The following ARHGEF18 variants were observed in gnomAD, a reference collection of about 807,000 sequenced individuals.
ARHGEF18 encodes rho guanine nucleotide exchange factor 18.
ARHGEF18 carries 93 observed loss-of-function variants against 155.7 expected under a neutral mutation model. The observed-to-expected ratio is 0.60, with a 90% confidence interval of 0.50 to 0.71. The LOEUF is 0.71. Among genes scored for constraint, ARHGEF18 ranks in the 30% least tolerant of loss-of-function variants. The probability of loss-of-function intolerance (pLI) is 0.00; values close to 1 mark genes in which losing one functional copy is unlikely to be tolerated. For synonymous variants in ARHGEF18, 742 were observed against 753.1 expected, an observed-to-expected ratio of 0.99 and a Z score of 0.24; for missense variants, 1,593 against 1,816.1, an observed-to-expected ratio of 0.88 and a Z score of 2.23.
intron 10 of ARHGEF18, among the ~76,000 whole-genome samples, chr19:7,423,609 G>A (rs768056580): frequency 2.7e-4 from 41 of 151,644 alleles, no homozygotes; most frequent in Non-Finnish European, 5.0e-4. Context: ...GCTGAGGCAC[G>A]AGAATCACTT....
In ARHGEF18 at chr19:7,444,975, A is replaced by G. The variant is rs1295306055; in HGVS notation, c.1611+521A>G. Among the ~76,000 whole-genome samples, 1 of 152,154 alleles carries G rather than the reference A, an allele frequency of 6.6e-6. No homozygotes were observed. Among genetic ancestry groups the G allele is most frequent in the East Asian group, 1.9e-4 (1 of 5,204 alleles). ...AATAAAACGAGAGTGGCCCCTGAGG[A>G]CACACAGTTCTGGGCCCCTTACAGC... On this transcript the variant is annotated intron_variant, in intron 14 of 28. Coordinates refer to ENST00000668164, the MANE Select transcript of ARHGEF18 (RefSeq NM_001367823.1). This position sits in a 1 kb window ranked among gnomAD's most constrained non-coding sequence, Gnocchi z 4.7.
rs1362732730 is a variant in ARHGEF18, at chr19:7,372,924, A to C, written c.128A>C (p.His43Pro). 8.1e-7 allele frequency: 1 copy of C among 1,234,442 alleles called. No individual in the cohort carries two copies. Among genetic ancestry groups the C allele is most frequent in the East Asian group, 3.2e-5 (1 of 31,730 alleles). 76.5% of individuals were successfully genotyped at this position (1,234,442 alleles called of 1,614,324 possible). A position where few individuals can be genotyped will look rare whatever the true frequency, so the allele number is the denominator to read the frequency against. Residue 43 changes from histidine to proline, a missense_variant, in exon 3 of 29, where the codon CAC becomes CCC. Transcript: ENST00000668164. ...GACCTGGGCCTTGGGGCCCCTTCCCACAGCCAGCCTGGGGAGACCCCAGAC... is the reference window on the plus strand; with the variant it reads ...GACCTGGGCCTTGGGGCCCCTTCCCCCAGCCAGCCTGGGGAGACCCCAGAC... ...LQDLGLGAPS[H>P]SQPGETPDSR...
chr19:7,415,989 C>A (rs1269610831), intron 10 of ARHGEF18, among the ~76,000 whole-genome samples: 1 of 152,160 alleles, frequency 6.6e-6, no homozygotes, highest in Non-Finnish European at 1.5e-5. Context: ...CTGAGCGAGG[C>A]GACACTCCAC....
intron 10 of ARHGEF18, among the ~76,000 whole-genome samples, chr19:7,429,689 C>T (rs2145717541): frequency 6.6e-6 from 1 of 152,184 alleles, no homozygotes; most frequent in African/African-American, 2.4e-5. Flanking sequence ...GTCATCATCC[C>T]ACAGACGCCC....
downstream of ARHGEF18, among the ~76,000 whole-genome samples, chr19:7,474,518 A>G (rs967354027): frequency 2.0e-5 from 3 of 151,914 alleles, no homozygotes; most frequent in Non-Finnish European, 4.4e-5. Context: ...AGCTGGGATT[A>G]CAGGCACCCA....
chr19:7,377,158 C>T (rs1028794653), intron 5 of ARHGEF18, among the ~76,000 whole-genome samples: 1 of 152,074 alleles, frequency 6.6e-6, no homozygotes, highest in Non-Finnish European at 1.5e-5. Flanking sequence ...GCAACCTCCG[C>T]CTCCCGGGTT....
chr19:7,360,926 G>A (rs990896525), intron 1 of ARHGEF18, among the ~76,000 whole-genome samples: 2 of 152,138 alleles, frequency 1.3e-5, no homozygotes, highest in African/African-American at 4.8e-5. Flanking sequence ...AAGCAGTGAT[G>A]GTGGAAACCC....
rs138113892 is a variant in ARHGEF18, at chr19:7,463,858, C to T, written c.2676C>T (p.Ser892=). 874 of 1,605,844 alleles carry T rather than the reference C, an allele frequency of 5.4e-4. 1 individual carries two copies. The highest frequency in any genetic ancestry group is 8.3e-4 in the Middle Eastern group (5 of 6,034). ...IQSLICRQLG[S]ANGQAEDGGS... ...GCCTGATCTGCAGGCAGCTGGGCAG[C>T]GCCAACGGCCAGGCGGAAGACGGAG... The change falls in exon 22 of 29, where the codon AGC becomes AGT. Residue 892 remains serine, a synonymous_variant. Coordinates refer to ENST00000668164, the MANE Select transcript of ARHGEF18 (RefSeq NM_001367823.1). The surrounding 1 kb of genome is among the most constrained non-coding windows in gnomAD (Gnocchi z 5.2).
At chr19:7,387,432 G>A (rs373461827) in intron 10 of ARHGEF18, among the ~76,000 whole-genome samples, 17 of 151,868 alleles carry the variant, frequency 1.1e-4, no homozygotes, top group African/African-American at 2.2e-4. Flanking sequence ...GATTATAGGC[G>A]TGAGCCACCG....
chr19:7,441,184 CT>C (rs745422602), intron 11 of ARHGEF18, among the ~76,000 whole-genome samples: 111 of 92,608 alleles, frequency 1.2e-3, no homozygotes, highest in African/African-American at 2.1e-3. Flanking sequence ...CCCCCCACCA[CT>C]TTTTTTTTTT....
chr19:7,450,024 T>C (rs1975258986), intron 15 of ARHGEF18, among the ~76,000 whole-genome samples: 1 of 152,134 alleles, frequency 6.6e-6, no homozygotes, highest in African/African-American at 2.4e-5. Context: ...CGTTCAGGTA[T>C]CTGGTGTCTG....
At position 7,382,999 on chromosome 19, in the gene ARHGEF18, A is replaced by G. The variant is rs1600242874; in HGVS notation, c.826-63A>G. The G allele has an allele frequency of 4.6e-5, 57 of 1,232,352 alleles. No individual in the cohort carries two copies. The South Asian group carries it at 2.1e-3, about 46-fold the overall frequency. 76.3% of individuals were successfully genotyped at this position (1,232,352 alleles called of 1,614,324 possible). On this transcript the variant is annotated intron_variant, in intron 9 of 28. Coordinates refer to ENST00000668164, the MANE Select transcript of ARHGEF18 (RefSeq NM_001367823.1). The stretch of plus-strand genomic sequence containing the variant: ...CTGGGGCTGGTGGTGGGCTGGGTAC[A>G]CAGTATATAAGAGGGCCAGTGCCTG...
chr19:7,408,374 A>G (rs969205504), intron 10 of ARHGEF18, among the ~76,000 whole-genome samples: 15 of 152,378 alleles, frequency 9.8e-5, no homozygotes, highest in Admixed American at 3.9e-4. Context: ...CACAGACAAC[A>G]GAGAAACAAG....
intron 13 of ARHGEF18, among the ~76,000 whole-genome samples, chr19:7,442,869 G>A (rs1974752899): frequency 2.6e-5 from 4 of 151,920 alleles, no homozygotes; most frequent in Admixed American, 6.6e-5. Context: ...TCCTCACAAG[G>A]TCTTCATGGT....
the ARHGEF18 span, among the ~76,000 whole-genome samples, chr19:7,479,928 C>T: frequency 2.0e-5 from 3 of 152,208 alleles, no homozygotes; most frequent in Non-Finnish European, 2.9e-5. Flanking sequence ...GCTCTCTGAA[C>T]GTTATGCTCA....
Position 7,386,817 on chromosome 19 carries a change from A to G in ARHGEF18, c.967+3614A>G, listed in dbSNP as rs1371000929. ...AAATCCCACCTCCACCTAGACTCCT[A>G]TCAGGGCAGACAGGCTTCAGTGGCC... On this transcript the variant is annotated intron_variant, in intron 10 of 28. Transcript: ENST00000668164. Among the ~76,000 whole-genome samples, 9 of 152,104 alleles carry G rather than the reference A, an allele frequency of 5.9e-5. No individual in the cohort carries two copies. The East Asian group carries it at 1.7e-3, about 29-fold the overall frequency.
intron 15 of ARHGEF18, among the ~76,000 whole-genome samples, 159 bp from the exon 16 acceptor site, chr19:7,450,990 G>T (rs1028851114): frequency 1.8e-4 from 27 of 152,190 alleles, no homozygotes; most frequent in Non-Finnish European, 4.0e-4. Flanking sequence ...TGTTAATGCA[G>T]GATCTTGCTG....
intron 7 of ARHGEF18, among the ~76,000 whole-genome samples, chr19:7,379,441 C>T (rs1970623432): frequency 6.6e-6 from 1 of 152,170 alleles, no homozygotes; most frequent in South Asian, 2.1e-4. Flanking sequence ...CACCTGTAAT[C>T]CCAGCTACTC....
Position 7,444,418 on chromosome 19 carries a change from T to C in ARHGEF18, c.1575T>C (p.Tyr525=), listed in dbSNP as rs753446998. The C allele has an allele frequency of 2.4e-5, 39 of 1,613,598 alleles. No individual in the cohort carries two copies. The highest frequency in any genetic ancestry group is 1.6e-4 in the Middle Eastern group (1 of 6,084). ...TGGAGGAGGGCAGTGACCGGAATTA[T>C]GTCATCCAGAAAATCGGCGACCTCC... ...ESLEEGSDRN[Y]VIQKIGDLLV... The change falls in exon 14 of 29, where the codon TAT becomes TAC. Residue 525 remains tyrosine (Y), a synonymous_variant. Coordinates refer to ENST00000668164, the MANE Select transcript of ARHGEF18 (RefSeq NM_001367823.1). The surrounding 1 kb of genome is among the most constrained non-coding windows in gnomAD (Gnocchi z 4.7).
Sources: allele counts gnomAD v4.1 joint callset (sites outside exome capture counted in the v4.1 genomes callset), GRCh38; gene constraint gnomAD v4.1.1; non-coding constraint Gnocchi (gnomAD v3.1); transcripts MANE v1.5; gene names NCBI Gene and HGNC (gene_info 2026-07-23, HGNC 2026-07-21).